The following FMNL2 variants were observed in gnomAD, a reference collection of about 807,000 sequenced individuals.
FMNL2 encodes formin like 2.
FMNL2 carries 51 observed loss-of-function variants against 130.2 expected under a neutral mutation model. That is an observed-to-expected ratio of 0.39 (90% CI 0.31 to 0.49). The LOEUF (loss-of-function observed/expected upper bound fraction) is 0.49, where lower values mean the gene tolerates loss of function less well. Ranked by LOEUF, FMNL2 falls within the 20% of genes least tolerant of loss-of-function variation. The pLI is 0.85. For synonymous variants in FMNL2, 465 were observed against 467.1 expected (o/e 1.00, Z 0.06); for missense variants, 977 against 1,316.2 (o/e 0.74, Z 3.99).
intron 1 of FMNL2, chr2:152,390,631 A>C: frequency 1.1e-6 from 1 of 946,570 alleles, no homozygotes; most frequent in Non-Finnish European, 1.7e-6. Context: ...GCCAAATTCA[A>C]CTAGCCCGTG....
intron 1 of FMNL2, among the ~76,000 whole-genome samples, chr2:152,472,026 C>G (rs555511224): frequency 2.0e-5 from 3 of 152,172 alleles, no homozygotes; most frequent in African/African-American, 4.8e-5. Context: ...CTGGATTGTG[C>G]ACTAGCCATA....
At chr2:152,417,510 A>AG (rs1189386725) in intron 1 of FMNL2, among the ~76,000 whole-genome samples, 1 of 152,174 alleles carries the variant, frequency 6.6e-6, no homozygotes, top group Non-Finnish European at 1.5e-5. Flanking sequence ...GGGCATTGCA[A>AG]GGTTGGATTT....
chr2:152,492,222 A>G (rs1691253939), intron 1 of FMNL2, among the ~76,000 whole-genome samples: 1 of 152,062 alleles, frequency 6.6e-6, no homozygotes. Context: ...TGCCCCCAGA[A>G]CAATTACCTT....
intron 1 of FMNL2, among the ~76,000 whole-genome samples, chr2:152,520,428 C>T (rs1693022616): frequency 6.6e-6 from 1 of 151,928 alleles, no homozygotes; most frequent in African/African-American, 2.4e-5. Flanking sequence ...AACCCCGTCT[C>T]TATTAAGAAT....
intron 1 of FMNL2, among the ~76,000 whole-genome samples, chr2:152,506,390 A>G (rs1261991450): frequency 6.6e-6 from 1 of 152,170 alleles, no homozygotes; most frequent in Admixed American, 6.5e-5. Flanking sequence ...ACCTATGCAT[A>G]TCCTCCCTTA....
intron 1 of FMNL2, among the ~76,000 whole-genome samples, chr2:152,448,980 C>T (rs987274564): frequency 2.0e-5 from 3 of 152,198 alleles, no homozygotes; most frequent in Admixed American, 1.3e-4. Flanking sequence ...CTGTGCCTGG[C>T]AAAGCCATGT....
At chr2:152,593,553 G>A (rs1489410012) in intron 9 of FMNL2, among the ~76,000 whole-genome samples, 1 of 151,862 alleles carries the variant, frequency 6.6e-6, no homozygotes. Flanking sequence ...TGAATATGAA[G>A]CCAAAAAATG....
intron 9 of FMNL2, among the ~76,000 whole-genome samples, chr2:152,588,589 A>G (rs1697215308): frequency 6.6e-6 from 1 of 152,156 alleles, no homozygotes; most frequent in Non-Finnish European, 1.5e-5. Context: ...GGGTAGGAGG[A>G]ACACATCATT....
chr2:152,612,556 G>A (rs1205381930), intron 11 of FMNL2, among the ~76,000 whole-genome samples: 1 of 152,182 alleles, frequency 6.6e-6, no homozygotes, highest in Non-Finnish European at 1.5e-5. Flanking sequence ...GATCCAGGCA[G>A]TTTTGTTTTC....
Position 152,629,842 on chromosome 2 carries a change from A to C in FMNL2, c.2487A>C (p.Gly829=). 2 of 1,613,120 alleles carry C rather than the reference A, an allele frequency of 1.2e-6. No individual in the cohort carries two copies. Among genetic ancestry groups the C allele is most frequent in the South Asian group, 2.2e-5 (2 of 90,810 alleles). ...KKILEIILAL[G]NYMNSSKRGA... ...TTTTGCAGATCATCTTAGCCCTTGG[A>C]AACTACATGAATAGCAGTAAAAGAG... The change falls in exon 20 of 26, where the codon GGA becomes GGC. Residue 829 remains glycine (G), a synonymous_variant. Transcript: ENST00000288670.
At chr2:152,617,575 T>C (rs1699023721) in intron 13 of FMNL2, among the ~76,000 whole-genome samples, 1 of 152,230 alleles carries the variant, frequency 6.6e-6, no homozygotes, top group Non-Finnish European at 1.5e-5. Flanking sequence ...TTTGCTTTGC[T>C]TCCACTCAAA....
chr2:152,335,445 A>T lies in FMNL2; in HGVS notation c.-159A>T. ...GGGCGGCTCGGCTTGGAGCGCTGCT[A>T]GGGAGCGGTGCGCGCCGCACACCCG... On this transcript the variant is annotated 5_prime_UTR_variant, in exon 1 of 26. It removes the in-frame stop codon of an upstream open reading frame in the 5' UTR. Transcript: ENST00000288670. 2.6e-6 allele frequency: 1 copy of T among 380,482 alleles called. No homozygotes were observed. Among genetic ancestry groups the T allele is most frequent in the Non-Finnish European group, 4.5e-6 (1 of 221,710 alleles). 23.6% of individuals were successfully genotyped at this position (380,482 alleles called of 1,614,324 possible).
chr2:152,382,541 TAA>T (rs939531695), intron 1 of FMNL2, among the ~76,000 whole-genome samples: 2 of 152,176 alleles, frequency 1.3e-5, no homozygotes, highest in African/African-American at 2.4e-5. Context: ...TAATAGAGGC[TAA>T]AGAGTCACTT....
chr2:152,416,228 C>A (rs1271312104), intron 1 of FMNL2, among the ~76,000 whole-genome samples: 1 of 152,086 alleles, frequency 6.6e-6, no homozygotes, highest in African/African-American at 2.4e-5. Flanking sequence ...CTCATCTTAC[C>A]AGGATGCCTA....
intron 1 of FMNL2, among the ~76,000 whole-genome samples, chr2:152,418,915 A>G (rs1686759895): frequency 6.6e-6 from 1 of 151,734 alleles, no homozygotes; most frequent in African/African-American, 2.4e-5. Context: ...CACCCTAGCA[A>G]TGCACGAGGG....
rs1454988791 is a variant in FMNL2 at position 152,647,941 on chromosome 2, T to G, written c.*36T>G. On this transcript the variant is annotated 3_prime_UTR_variant, in exon 26 of 26. Transcript: ENST00000288670. ...GGCCTGCATGAATACAGGGTGTGCG[T>G]GAATGAAACTGCCCACATGAACTTT... 1.3e-6 allele frequency: 2 copies of G among 1,499,932 alleles called. No homozygotes were observed. The highest frequency in any genetic ancestry group is 1.9e-5 in the Admixed American group (1 of 53,770). 92.9% of individuals were successfully genotyped at this position (1,499,932 alleles called of 1,614,324 possible). A position where few individuals can be genotyped will look rare whatever the true frequency, so the allele number is the denominator to read the frequency against.
intron 9 of FMNL2, among the ~76,000 whole-genome samples, chr2:152,597,202 A>G (rs1280929943): frequency 6.6e-6 from 1 of 152,230 alleles, no homozygotes. Context: ...AATTTTTATC[A>G]TTGATAACAA....
chr2:152,586,069 G>A (rs1399274520), intron 9 of FMNL2, among the ~76,000 whole-genome samples: 2 of 152,142 alleles, frequency 1.3e-5, no homozygotes, highest in Non-Finnish European at 2.9e-5. Flanking sequence ...CTGCTGGGAG[G>A]TGCACCTGGA....
intron 5 of FMNL2, among the ~76,000 whole-genome samples, chr2:152,559,854 G>A (rs539877446): frequency 1.3e-5 from 2 of 152,260 alleles, no homozygotes; most frequent in African/African-American, 4.8e-5. Flanking sequence ...ATTACCTCCT[G>A]CAGCCAAAGG....
Sources: gnomAD v4.1 joint callset for allele counts (sites outside exome capture counted in the v4.1 genomes callset) on GRCh38, gnomAD v4.1.1 for gene constraint, MANE v1.5 for transcripts, NCBI Gene and HGNC (gene_info 2026-07-23, HGNC 2026-07-21) for gene names.